The following PLPP7 variants were observed in gnomAD, a reference collection of about 807,000 sequenced individuals.
PLPP7 encodes inactive phospholipid phosphatase 7.
In PLPP7, 11 loss-of-function variants were observed where a neutral mutation model predicts 16.9. The observed-to-expected ratio is 0.65, with a 90% CI of 0.41 to 1.08. The LOEUF is 1.08. Among genes scored for constraint, PLPP7 ranks in the 50% least tolerant of loss-of-function variants. The probability of loss-of-function intolerance (pLI) is 0.00; values close to 1 mark genes in which losing one functional copy is unlikely to be tolerated. For missense variants in PLPP7, 358 were observed against 397.1 expected, an observed-to-expected ratio of 0.90 and a Z score of 0.84; for synonymous variants, 174 against 175.1, an observed-to-expected ratio of 0.99 and a Z score of 0.05.
At chr9:131,301,802 A>C (rs1835800693) in intron 1 of PLPP7, among the ~76,000 whole-genome samples, 3 of 143,778 alleles carry the variant, frequency 2.1e-5, no homozygotes, top group African/African-American at 7.6e-5. Context: ...TGAGAGGGGA[A>C]GGAACTTGTT....
intron 1 of PLPP7, among the ~76,000 whole-genome samples, chr9:131,297,049 G>A (rs116024794): frequency 0.011 from 1,720 of 152,334 alleles, 25 homozygotes; most frequent in African/African-American, 0.039. Flanking sequence ...TCCTTTCTCA[G>A]CATCTCAGTG....
In PLPP7 at chr9:131,290,055, G is replaced by C. The variant is rs2131209854; in HGVS notation, c.58G>C (p.Ala20Pro). The C allele has an allele frequency of 6.8e-7, 1 of 1,476,356 alleles. No individual in the cohort carries two copies. Among genetic ancestry groups the C allele is most frequent in the East Asian group, 2.5e-5 (1 of 39,846 alleles). 91.5% of individuals were successfully genotyped at this position (1,476,356 alleles called of 1,614,324 possible). ...ARDRNNVLNR[A>P]EFLSLNQPPK... The stretch of plus-strand genomic sequence containing the variant: ...GGACCGCAACAACGTCCTCAACCGG[G>C]CTGAGTTCCTGTCCCTGAACCAGCC... The change falls in exon 1 of 2, where the codon GCT (alanine) becomes CCT (proline). Residue 20 changes from alanine (A) to proline (P), a missense_variant. Transcript: ENST00000372264. The surrounding 1 kb of genome is among the most constrained non-coding windows in gnomAD (Gnocchi z 4.2).
rs1564244185 is a variant in PLPP7, at chr9:131,289,737, C to T, written c.-261C>T. 11 of 388,736 alleles carry T rather than the reference C, an allele frequency of 2.8e-5. No individual in the cohort carries two copies. In the East Asian group the frequency reaches 4.1e-4, roughly 14 times the overall value. 24.1% of individuals were successfully genotyped at this position (388,736 alleles called of 1,614,324 possible). On this transcript the variant is annotated 5_prime_UTR_variant, in exon 1 of 2. Coordinates refer to ENST00000372264, the MANE Select transcript of PLPP7 (RefSeq NM_032728.4). ...GCAGCCAGGCCGCAGCTGTGGACTCCTCACCTCCCGGAGGCTCTGCTGGTG... is the reference window on the plus strand; with the variant it reads ...GCAGCCAGGCCGCAGCTGTGGACTCTTCACCTCCCGGAGGCTCTGCTGGTG...
chr9:131,291,156 G>A, intron 1 of PLPP7: 1 of 1,366,342 alleles, frequency 7.3e-7, no homozygotes, highest in South Asian at 1.1e-5. Context: ...CCATGTGGAG[G>A]CAAGCCATTC....
In PLPP7 at chr9:131,290,494, G is replaced by A; in HGVS notation, c.451+46G>A. The A allele has an allele frequency of 6.8e-7, 1 of 1,478,082 alleles. No homozygotes were observed. Among genetic ancestry groups the A allele is most frequent in the Non-Finnish European group, 9.0e-7 (1 of 1,117,066 alleles). 91.6% of individuals were successfully genotyped at this position (1,478,082 alleles called of 1,614,324 possible). A position where few individuals can be genotyped will look rare whatever the true frequency, so the allele number is the denominator to read the frequency against. On this transcript the variant is annotated intron_variant, in intron 1 of 1. Coordinates refer to ENST00000372264, the MANE Select transcript of PLPP7 (RefSeq NM_032728.4). This position sits in a 1 kb window ranked among gnomAD's most constrained non-coding sequence, Gnocchi z 4.2. Reference sequence around the variant, plus strand: ...CCACTCACTGTCAGGCCCCTCGGGAGGCAGCCTGGCCTGCCCAACCCCACC... The same window carrying A: ...CCACTCACTGTCAGGCCCCTCGGGAAGCAGCCTGGCCTGCCCAACCCCACC...
Position 131,308,172 on chromosome 9 carries a change from G to A in PLPP7, c.701G>A (p.Arg234His), listed in dbSNP as rs1406837172. 6 of 1,600,298 alleles carry A rather than the reference G, an allele frequency of 3.7e-6. No homozygotes were observed. Among genetic ancestry groups the A allele is most frequent in the East Asian group, 2.2e-5 (1 of 44,860 alleles). The change falls in exon 2 of 2, where the codon CGC becomes CAC. Residue 234 changes from arginine (R) to histidine (H), a missense_variant. Physicochemically the swap from Arg to His is conservative, Grantham distance 29. Coordinates refer to ENST00000372264, the MANE Select transcript of PLPP7 (RefSeq NM_032728.4). ...CVGLSRVMIG[R>H]HHVTDVLSGF... ...GGCCTGTCCCGCGTGATGATCGGCCGCCACCACGTCACGGACGTCCTCTCC... is the reference window on the plus strand; with the variant it reads ...GGCCTGTCCCGCGTGATGATCGGCCACCACCACGTCACGGACGTCCTCTCC...
At chr9:131,305,321 A>G (rs1835842182) in intron 1 of PLPP7, among the ~76,000 whole-genome samples, 1 of 152,092 alleles carries the variant, frequency 6.6e-6, no homozygotes, top group African/African-American at 2.4e-5. Flanking sequence ...AGGCTGAGGT[A>G]GGAAGATAGC....
intron 1 of PLPP7, among the ~76,000 whole-genome samples, chr9:131,298,769 C>T (rs1043934653): frequency 2.0e-5 from 3 of 152,222 alleles, no homozygotes; most frequent in Admixed American, 2.0e-4. Context: ...TGGGAGCCTC[C>T]AGCACTCTGG....
rs773310446 is a variant in PLPP7, at chr9:131,290,020, C to T, written c.23C>T (p.Ala8Val). MPASQSR[A>V]RARDRNNVLN... ...ACCATGCCAGCTTCCCAGAGCCGGG[C>T]CCGTGCCCGGGACCGCAACAACGTC... The change falls in exon 1 of 2, where the codon GCC becomes GTC. Residue 8 changes from alanine (A) to valine (V), a missense_variant. Transcript: ENST00000372264. The surrounding 1 kb of genome is among the most constrained non-coding windows in gnomAD (Gnocchi z 4.2). The T allele has an allele frequency of 2.8e-6, 4 of 1,432,636 alleles. No individual in the cohort carries two copies. In the East Asian group the frequency reaches 1.1e-4, roughly 38 times the overall value. The allele number at this position is 1,432,636 out of a possible 1,614,324, so 88.7% of individuals were successfully genotyped here. A position where few individuals can be genotyped will look rare whatever the true frequency, so the allele number is the denominator to read the frequency against.
intron 1 of PLPP7, among the ~76,000 whole-genome samples, chr9:131,303,026 G>A (rs922339251): frequency 6.6e-6 from 1 of 152,136 alleles, no homozygotes; most frequent in African/African-American, 2.4e-5. Flanking sequence ...CATGTTACAA[G>A]CTTTATTAAA....
intron 1 of PLPP7, among the ~76,000 whole-genome samples, chr9:131,307,562 A>AC (rs1835866965): frequency 1.3e-4 from 3 of 22,474 alleles, no homozygotes; most frequent in African/African-American, 2.4e-4. Context: ...AAAAAAAAAA[A>AC]AAAAAAAAAA....
Position 131,306,053 on chromosome 9 carries a change from C to T in PLPP7, c.452-1870C>T, listed in dbSNP as rs28841083. On this transcript the variant is annotated intron_variant, in intron 1 of 1. Transcript: ENST00000372264. ...GAGATCGAGACCATCCTGGCTAACACGATGAAACCCCGTCTCTACTAAAAA... is the reference window on the plus strand; with the variant it reads ...GAGATCGAGACCATCCTGGCTAACATGATGAAACCCCGTCTCTACTAAAAA... Among the ~76,000 whole-genome samples, 419 of 151,836 alleles carry T rather than the reference C, an allele frequency of 2.8e-3. 2 individuals carry two copies. The highest frequency in any genetic ancestry group is 8.1e-3 in the African/African-American group (335 of 41,420).
chr9:131,298,738 C>G (rs1835763287), intron 1 of PLPP7, among the ~76,000 whole-genome samples: 1 of 152,246 alleles, frequency 6.6e-6, no homozygotes. Context: ...TCCAAGAAAG[C>G]CCTGGCTCCT....
At position 131,290,999 on chromosome 9, in the gene PLPP7, GC is replaced by G; in HGVS notation, c.451+556del. 1.6e-6 allele frequency: 2 copies of G among 1,242,350 alleles called. 1 individual carries two copies. The highest frequency in any genetic ancestry group is 2.3e-5 in the South Asian group (2 of 85,230). 77.0% of individuals were successfully genotyped at this position (1,242,350 alleles called of 1,614,324 possible). ...CCCCTGGGACTGCCACCCACTCACA[GC>G]CCCCTGGAGTTCTTCCCTGCTCCTT... On this transcript the variant is annotated intron_variant, in intron 1 of 1. Coordinates refer to ENST00000372264, the MANE Select transcript of PLPP7 (RefSeq NM_032728.4). The surrounding 1 kb of genome is among the most constrained non-coding windows in gnomAD (Gnocchi z 4.2).
intron 1 of PLPP7, among the ~76,000 whole-genome samples, chr9:131,305,025 CT>C (rs532607565): frequency 7.1e-4 from 108 of 152,274 alleles, no homozygotes; most frequent in Non-Finnish European, 1.4e-3. Context: ...TCATCTTGTC[CT>C]CTATAAAGGG....
At chr9:131,301,790 G>A (rs990321169) in intron 1 of PLPP7, among the ~76,000 whole-genome samples, 2 of 151,306 alleles carry the variant, frequency 1.3e-5, no homozygotes, top group African/African-American at 4.9e-5. Context: ...AGACCAAGGC[G>A]CTGAGAGGGG....
At chr9:131,303,673 C>T (rs558035409) in intron 1 of PLPP7, among the ~76,000 whole-genome samples, 3 of 152,246 alleles carry the variant, frequency 2.0e-5, no homozygotes, top group Admixed American at 1.3e-4. Flanking sequence ...CAATCATTTG[C>T]TGCGACTTCC....
In PLPP7 at chr9:131,290,085, A is replaced by G. The variant is rs1835647313; in HGVS notation, c.88A>G (p.Lys30Glu). The G allele has an allele frequency of 2.6e-6, 4 of 1,510,346 alleles. No homozygotes were observed. Among genetic ancestry groups the G allele is most frequent in the Admixed American group, 2.2e-5 (1 of 45,818 alleles). The allele number at this position is 1,510,346 out of a possible 1,614,324, so 93.6% of individuals were successfully genotyped here. A position where few individuals can be genotyped will look rare whatever the true frequency, so the allele number is the denominator to read the frequency against. ...AEFLSLNQPPKGGPEPRSSGR... is the reference protein window; with the variant it reads ...AEFLSLNQPPEGGPEPRSSGR... ...GTTCCTGTCCCTGAACCAGCCCCCC[A>G]AGGGGGGCCCGGAGCCCCGCAGCTC... Residue 30 changes from lysine to glutamate, a missense_variant, in exon 1 of 2, where the codon AAG (lysine) becomes GAG (glutamate). By Grantham distance (56) the Lys-to-Glu change is moderately conservative. Coordinates refer to ENST00000372264, the MANE Select transcript of PLPP7 (RefSeq NM_032728.4). The surrounding 1 kb of genome is among the most constrained non-coding windows in gnomAD (Gnocchi z 4.2).
At chr9:131,296,150 C>G (rs1283386939) in intron 1 of PLPP7, among the ~76,000 whole-genome samples, 1 of 152,216 alleles carries the variant, frequency 6.6e-6, no homozygotes, top group Non-Finnish European at 1.5e-5. Flanking sequence ...ATATCCACAT[C>G]TTCACCAACA....
Sources: allele counts gnomAD v4.1 joint callset (sites outside exome capture counted in the v4.1 genomes callset), GRCh38; gene constraint gnomAD v4.1.1; non-coding constraint Gnocchi (gnomAD v3.1); transcripts MANE v1.5; gene names NCBI Gene and HGNC (gene_info 2026-07-23, HGNC 2026-07-21).